GRK3: variants seen among roughly 807,000 people sequenced by gnomAD.
GRK3 encodes the protein G protein-coupled receptor kinase 3.
In GRK3, 54 loss-of-function variants were observed where a neutral mutation model predicts 95.7. The ratio of observed to expected loss-of-function variants is 0.56; its 90% CI spans 0.45 to 0.71. GRK3 has a LOEUF of 0.71. GRK3 is among the 30% of genes least tolerant of loss of function. The probability of loss-of-function intolerance (pLI) is 0.00; values close to 1 mark genes in which losing one functional copy is unlikely to be tolerated. For missense variants in GRK3, 649 were observed against 851.2 expected (o/e 0.76, Z 2.96); for synonymous variants, 281 against 290.8 (o/e 0.97, Z 0.34).
intron 1 of GRK3, among the ~76,000 whole-genome samples, chr22:25,566,512 T>C (rs1931492927): frequency 6.6e-6 from 1 of 152,252 alleles, no homozygotes; most frequent in Non-Finnish European, 1.5e-5. Flanking sequence ...TTTTCCTCCT[T>C]AGCCCATGCC....
chr22:25,652,593 G>A lies in GRK3; in HGVS notation c.264+7928G>A, dbSNP rs561295676. Among the ~76,000 whole-genome samples, 40 of 152,232 alleles carry A rather than the reference G, an allele frequency of 2.6e-4. No individual in the cohort carries two copies. The South Asian group carries it at 5.8e-3, about 22-fold the overall frequency. On this transcript the variant is annotated intron_variant, in intron 3 of 20. Transcript: ENST00000324198. ...CTAGGATTATTGGGGGTTAGTGTAAGTAATAATTTTAGTATAAGTAATAAT... is the reference window on the plus strand; with the variant it reads ...CTAGGATTATTGGGGGTTAGTGTAAATAATAATTTTAGTATAAGTAATAAT...
intron 8 of GRK3, among the ~76,000 whole-genome samples, chr22:25,675,414 G>A (rs1166959767): frequency 6.6e-6 from 1 of 152,152 alleles, no homozygotes; most frequent in Non-Finnish European, 1.5e-5. Flanking sequence ...GGGTAGAAGG[G>A]TCTTCTGGAG....
chr22:25,573,657 G>A (rs1048688551), intron 1 of GRK3, among the ~76,000 whole-genome samples: 4 of 152,184 alleles, frequency 2.6e-5, no homozygotes, highest in African/African-American at 9.7e-5. Flanking sequence ...CCAGCACTTT[G>A]GGAGGCTGAG....
intron 2 of GRK3, among the ~76,000 whole-genome samples, chr22:25,633,699 T>C (rs570222972): frequency 5.3e-5 from 8 of 152,104 alleles, no homozygotes; most frequent in African/African-American, 1.2e-4. Flanking sequence ...CAAATTATAA[T>C]ATAGGGCACT....
chr22:25,688,126 C>T (rs932427518), intron 11 of GRK3, among the ~76,000 whole-genome samples: 1 of 151,304 alleles, frequency 6.6e-6, no homozygotes, highest in African/African-American at 2.4e-5. Flanking sequence ...GTCCCAGCTA[C>T]TCAGGAGGCT....
intron 6 of GRK3, among the ~76,000 whole-genome samples, chr22:25,671,261 AC>A (rs1051777182): frequency 1.3e-5 from 2 of 152,022 alleles, no homozygotes; most frequent in African/African-American, 4.8e-5. Context: ...AATGGCGTGA[AC>A]CCGGGAGGCG....
intron 1 of GRK3, among the ~76,000 whole-genome samples, chr22:25,579,749 G>A (rs1169638248): frequency 6.6e-6 from 1 of 152,114 alleles, no homozygotes; most frequent in African/African-American, 2.4e-5. Flanking sequence ...TGGGATTATA[G>A]GAGTGGGCCA....
At chr22:25,700,773 A>C (rs2085252506) in intron 13 of GRK3, among the ~76,000 whole-genome samples, 1 of 152,110 alleles carries the variant, frequency 6.6e-6, no homozygotes, top group African/African-American at 2.4e-5. Flanking sequence ...TTTTTAGTAG[A>C]GACGGGTTTC....
At chr22:25,670,040 C>G (rs2084968556) in intron 6 of GRK3, among the ~76,000 whole-genome samples, 1 of 152,042 alleles carries the variant, frequency 6.6e-6, no homozygotes, top group South Asian at 2.1e-4. Flanking sequence ...TTTAATTGAC[C>G]AACTTCATTA....
chr22:25,568,064 T>C (rs1240114511), intron 1 of GRK3, among the ~76,000 whole-genome samples: 1 of 152,244 alleles, frequency 6.6e-6, no homozygotes, highest in Non-Finnish European at 1.5e-5. Context: ...GAAATGTTGT[T>C]GAGCTAATGT....
intron 1 of GRK3, among the ~76,000 whole-genome samples, chr22:25,566,111 A>C (rs570272870): frequency 6.6e-6 from 1 of 152,342 alleles, no homozygotes; most frequent in Non-Finnish European, 1.5e-5. Context: ...TAACGTATCA[A>C]GGCTTCAGTG....
At chr22:25,699,495 G>A (rs1356800658) in intron 13 of GRK3, among the ~76,000 whole-genome samples, 1 of 152,036 alleles carries the variant, frequency 6.6e-6, no homozygotes, top group East Asian at 1.9e-4. Flanking sequence ...GGCCAAGGAT[G>A]CTGCTCAACA....
intron 2 of GRK3, among the ~76,000 whole-genome samples, chr22:25,605,113 C>T (rs2084435075): frequency 1.3e-5 from 2 of 152,194 alleles, no homozygotes; most frequent in South Asian, 4.1e-4. Flanking sequence ...TTGTAAACCA[C>T]TTTATCTGTT....
At position 25,606,913 on chromosome 22, in the gene GRK3, C is replaced by T. The variant is rs552828141; in HGVS notation, c.190+2460C>T. 1.2e-4 allele frequency among the ~76,000 whole-genome samples: 18 copies of T among 152,290 alleles called. No homozygotes were observed. The South Asian group carries it at 1.9e-3, about 16-fold the overall frequency. ...AGTAGGGATAATAATAGTTCAGGTC[C>T]GTGAGGCTGTTGAGAGGGTTTAGCT... On this transcript the variant is annotated intron_variant, in intron 2 of 20. Transcript: ENST00000324198.
intron 1 of GRK3, among the ~76,000 whole-genome samples, chr22:25,597,670 A>G (rs889585640): frequency 6.6e-6 from 1 of 152,218 alleles, no homozygotes; most frequent in African/African-American, 2.4e-5. Flanking sequence ...TAGTTAAACT[A>G]CTGACCAACA....
chr22:25,595,988 T>C (rs2084369897), intron 1 of GRK3, among the ~76,000 whole-genome samples: 1 of 152,174 alleles, frequency 6.6e-6, no homozygotes, highest in Admixed American at 6.5e-5. Flanking sequence ...TACGTGTATA[T>C]ATATGTATAA....
rs1471372996 is a variant in GRK3, at chr22:25,643,840, G to A, written c.191-752G>A. 4.6e-5 allele frequency among the ~76,000 whole-genome samples: 7 copies of A among 152,336 alleles called. No homozygotes were observed. The East Asian group carries it at 1.4e-3, about 29-fold the overall frequency. ...AGTGAACATTTATTGGCCACCTACTGTGTACCAGGCATTGTGCAATAGGGT... is the reference window on the plus strand; with the variant it reads ...AGTGAACATTTATTGGCCACCTACTATGTACCAGGCATTGTGCAATAGGGT... On this transcript the variant is annotated intron_variant, in intron 2 of 20. Coordinates refer to ENST00000324198, the MANE Select transcript of GRK3 (RefSeq NM_005160.4).
chr22:25,689,818 T>G (rs1055509860), intron 11 of GRK3, among the ~76,000 whole-genome samples: 5 of 152,236 alleles, frequency 3.3e-5, no homozygotes, highest in Admixed American at 1.3e-4. Context: ...GCCCAGAAGC[T>G]GGTGGACTCA....
rs571227347 is a variant in GRK3 at position 25,596,902 on chromosome 22, G to T, written c.114-7475G>T. Among the ~76,000 whole-genome samples, 8 of 152,144 alleles carry T rather than the reference G, an allele frequency of 5.3e-5. 1 individual carries two copies. In the East Asian group the frequency reaches 1.5e-3, roughly 29 times the overall value. On this transcript the variant is annotated intron_variant, in intron 1 of 20. Transcript: ENST00000324198. ...TAATTCATTTTAAATAATATTATAA[G>T]CACTTATAGTACCAGCATGAGAACA... is the stretch of plus-strand genomic sequence containing the variant.
Sources: allele counts gnomAD v4.1 joint callset (sites outside exome capture counted in the v4.1 genomes callset), GRCh38; gene constraint gnomAD v4.1.1; transcripts MANE v1.5; gene names NCBI Gene and HGNC (gene_info 2026-07-23, HGNC 2026-07-21).